The following PITHD1 variants were observed in gnomAD, a reference collection of about 807,000 sequenced individuals.
The protein encoded by PITHD1 is PITH domain containing 1, also known as PITH domain-containing protein 1.
PITHD1 carries 8 observed loss-of-function variants against 27.5 expected under a neutral mutation model. That is an observed-to-expected ratio of 0.29 (90% CI 0.17 to 0.52). PITHD1 has a LOEUF of 0.52. PITHD1 is among the 20% of genes least tolerant of loss of function. PITHD1 has a pLI of 0.96. For missense variants in PITHD1, 233 were observed against 283.9 expected (o/e 0.82, Z 1.29); for synonymous variants, 118 against 106.8 (o/e 1.10, Z -0.64).
In PITHD1 at chr1:23,778,478, C is replaced by T. The variant is rs1248937803; in HGVS notation, c.-38C>T. ...GGCGAGCCGAGCCGAGCGAGCGCGGCGGTGGGGCCGAGAGGACGCGCAGGT... is the reference window on the plus strand; with the variant it reads ...GGCGAGCCGAGCCGAGCGAGCGCGGTGGTGGGGCCGAGAGGACGCGCAGGT... On this transcript the variant is annotated 5_prime_UTR_variant, in exon 1 of 6. Coordinates refer to ENST00000246151, the MANE Select transcript of PITHD1 (RefSeq NM_020362.5). 3.8e-6 allele frequency: 5 copies of T among 1,311,636 alleles called. No homozygotes were observed. The African/African-American group carries it at 4.6e-5, about 12-fold the overall frequency. 81.2% of individuals were successfully genotyped at this position (1,311,636 alleles called of 1,614,324 possible).
At chr1:23,783,994 G>A (rs554732287) in intron 3 of PITHD1, among the ~76,000 whole-genome samples, 1 of 152,126 alleles carries the variant, frequency 6.6e-6, no homozygotes, top group South Asian at 2.1e-4. Context: ...CATACCAACC[G>A]TGTGGAATAT....
Position 23,787,509 on chromosome 1 carries a change from G to A in PITHD1, c.*133G>A. ...CTGCCAAGCTTTGTCTTTGGGGCTT[G>A]CTGCAGAAACCTGGCCTACGGAAGA... On this transcript the variant is annotated 3_prime_UTR_variant, in exon 6 of 6. Transcript: ENST00000246151. 1 of 581,012 alleles carries A rather than the reference G, an allele frequency of 1.7e-6. No individual in the cohort carries two copies. Among genetic ancestry groups the A allele is most frequent in the Non-Finnish European group, 3.1e-6 (1 of 321,190 alleles). The allele number at this position is 581,012 out of a possible 1,614,324, so 36.0% of individuals were successfully genotyped here. A position where few individuals can be genotyped will look rare whatever the true frequency, so the allele number is the denominator to read the frequency against.
Position 23,778,551 on chromosome 1 carries a change from C to T in PITHD1, c.36C>T (p.Cys12=). 1 of 1,340,126 alleles carries T rather than the reference C, an allele frequency of 7.5e-7. No homozygotes were observed. The highest frequency in any genetic ancestry group is 9.5e-7 in the Non-Finnish European group (1 of 1,050,580). 83.0% of individuals were successfully genotyped at this position (1,340,126 alleles called of 1,614,324 possible). A position where few individuals can be genotyped will look rare whatever the true frequency, so the allele number is the denominator to read the frequency against. The change falls in exon 1 of 6, where the codon TGC becomes TGT. Residue 12 remains cysteine, a synonymous_variant. Coordinates refer to ENST00000246151, the MANE Select transcript of PITHD1 (RefSeq NM_020362.5). Reference sequence around the variant, plus strand: ...GTCACAGCCACGGCGGGGGTGGCTGCCGCTGCGCCGCCGAACGGGAGGAGC... The same window carrying T: ...GTCACAGCCACGGCGGGGGTGGCTGTCGCTGCGCCGCCGAACGGGAGGAGC... ...SHGHSHGGGG[C]RCAAEREEPP...
chr1:23,788,149 G>C lies in PITHD1; in HGVS notation c.*773G>C, dbSNP rs757474277. Reference sequence around the variant, plus strand: ...AACTAGTGTTGTAAGTCCGATGCCAGAATTTGGAGATTTGAGTTCTTCTTT... The same window carrying C: ...AACTAGTGTTGTAAGTCCGATGCCACAATTTGGAGATTTGAGTTCTTCTTT... On this transcript the variant is annotated 3_prime_UTR_variant, in exon 6 of 6. Coordinates refer to ENST00000246151, the MANE Select transcript of PITHD1 (RefSeq NM_020362.5). 6.6e-5 allele frequency: 10 copies of C among 152,206 alleles called. No homozygotes were observed. The highest frequency in any genetic ancestry group is 1.5e-4 in the Non-Finnish European group (10 of 68,032). 9.4% of individuals were successfully genotyped at this position (152,206 alleles called of 1,614,324 possible).
At position 23,782,501 on chromosome 1, in the gene PITHD1, G is replaced by A. The variant is rs140973880; in HGVS notation, c.320+2560G>A. On this transcript the variant is annotated intron_variant, in intron 3 of 5. Coordinates refer to ENST00000246151, the MANE Select transcript of PITHD1 (RefSeq NM_020362.5). ...CCCAGCACTTTGGGGAGGCCGAGGC[G>A]AAAGGATCACTTGAGCCTAGGAATT... Among the ~76,000 whole-genome samples, 16 of 152,086 alleles carry A rather than the reference G, an allele frequency of 1.1e-4. No homozygotes were observed. The East Asian group carries it at 1.2e-3, about 11-fold the overall frequency.
intron 3 of PITHD1, among the ~76,000 whole-genome samples, chr1:23,785,012 A>C (rs2148401729): frequency 6.6e-6 from 1 of 152,268 alleles, no homozygotes; most frequent in East Asian, 1.9e-4. Context: ...CCCATGAGTA[A>C]GCTGTTTTAT....
chr1:23,783,355 ACG>A (rs1340757752), intron 3 of PITHD1, among the ~76,000 whole-genome samples: 2 of 149,112 alleles, frequency 1.3e-5, no homozygotes, highest in African/African-American at 4.9e-5. Context: ...ATACATATAT[ACG>A]CATATATATA....
chr1:23,786,395 A>T lies in PITHD1; in HGVS notation c.506A>T (p.Tyr169Phe). 1 of 1,600,346 alleles carries T rather than the reference A, an allele frequency of 6.2e-7. No homozygotes were observed. Among genetic ancestry groups the T allele is most frequent in the Non-Finnish European group, 8.6e-7 (1 of 1,168,270 alleles). Reference sequence around the variant, plus strand: ...GGAGCAGATACGACAAAGGTCTTTTATATTGGCCTGAGAGGAGAGTGGACT... The same window carrying T: ...GGAGCAGATACGACAAAGGTCTTTTTTATTGGCCTGAGAGGAGAGTGGACT... ...NFGADTTKVFYIGLRGEWTEL... is the reference protein window; with the variant it reads ...NFGADTTKVFFIGLRGEWTEL... The change falls in exon 5 of 6, where the codon TAT (tyrosine) becomes TTT (phenylalanine). Residue 169 changes from tyrosine to phenylalanine, a missense_variant. By Grantham distance (22) the Tyr-to-Phe change is conservative (BLOSUM62 3). Transcript: ENST00000246151.
At chr1:23,780,930 G>C (rs1039870699) in intron 3 of PITHD1, among the ~76,000 whole-genome samples, 2 of 150,630 alleles carry the variant, frequency 1.3e-5, no homozygotes, top group African/African-American at 4.9e-5. Flanking sequence ...GGCCGAGCAT[G>C]GTGGTTCACA....
chr1:23,786,451 C>T, intron 5 of PITHD1, 28 bp downstream of exon 5: 1 of 1,125,536 alleles, frequency 8.9e-7, no homozygotes, highest in Non-Finnish European at 1.3e-6. Context: ...AGGTTTTCCC[C>T]TCATGTCTAC....
intron 3 of PITHD1, among the ~76,000 whole-genome samples, chr1:23,782,239 T>C (rs1433225016): frequency 2.0e-5 from 3 of 151,728 alleles, no homozygotes; most frequent in Non-Finnish European, 2.9e-5. Flanking sequence ...GCCAACATGG[T>C]GAAACCCTGT....
Position 23,778,432 on chromosome 1 carries a change from A to G in PITHD1, c.-84A>G. 1 of 924,298 alleles carries G rather than the reference A, an allele frequency of 1.1e-6. No homozygotes were observed. The highest frequency in any genetic ancestry group is 1.4e-6 in the Non-Finnish European group (1 of 727,248). 57.3% of individuals were successfully genotyped at this position (924,298 alleles called of 1,614,324 possible). ...GCGGCGCGCTTAGTTGCCGGAGCTG[A>G]ACGGCGCGGAGCTGGTCTGAGGCGA... On this transcript the variant is annotated 5_prime_UTR_variant, in exon 1 of 6. Transcript: ENST00000246151.
In PITHD1 at chr1:23,787,637, G is replaced by A. The variant is rs180804128; in HGVS notation, c.*261G>A. 36 of 291,488 alleles carry A rather than the reference G, an allele frequency of 1.2e-4. No homozygotes were observed. The highest frequency in any genetic ancestry group is 1.5e-4 in the Non-Finnish European group (24 of 156,712). The allele number at this position is 291,488 out of a possible 1,614,324, so 18.1% of individuals were successfully genotyped here. On this transcript the variant is annotated 3_prime_UTR_variant, in exon 6 of 6. Transcript: ENST00000246151. ...GGGCTGGGTGGCATCTGGCAGTCAT[G>A]GGTAACACTTGCTTTTCCAGTTAAT... is the stretch of plus-strand genomic sequence containing the variant.
At position 23,785,816 on chromosome 1, in the gene PITHD1, C is replaced by T. The variant is rs762341790; in HGVS notation, c.425+37C>T. 6.1e-6 allele frequency: 7 copies of T among 1,152,446 alleles called. No homozygotes were observed. The East Asian group carries it at 7.1e-5, about 12-fold the overall frequency. The allele number at this position is 1,152,446 out of a possible 1,614,324, so 71.4% of individuals were successfully genotyped here. On this transcript the variant is annotated intron_variant, in intron 4 of 5. Coordinates refer to ENST00000246151, the MANE Select transcript of PITHD1 (RefSeq NM_020362.5). ...GCCTGTCTTCCATTCTCTATGGCTTCTTATAGGGCTTGCCATTTATTTTTG... is the reference window on the plus strand; with the variant it reads ...GCCTGTCTTCCATTCTCTATGGCTTTTTATAGGGCTTGCCATTTATTTTTG...
At chr1:23,779,080 C>T (rs1395364337) in intron 1 of PITHD1, among the ~76,000 whole-genome samples, 1 of 152,168 alleles carries the variant, frequency 6.6e-6, no homozygotes, top group South Asian at 2.1e-4. Context: ...CCATATAGAG[C>T]AAATGTTCTT....
chr1:23,780,033 C>A, intron 3 of PITHD1, 92 bp downstream of exon 3: 1 of 813,040 alleles, frequency 1.2e-6, no homozygotes, highest in African/African-American at 1.7e-5. Flanking sequence ...TTCTTCTTAC[C>A]GGGTTTAATA....
chr1:23,779,976 C>T (rs1557465548), intron 3 of PITHD1, 35 bp downstream of exon 3: 2 of 1,311,938 alleles, frequency 1.5e-6, no homozygotes, highest in Non-Finnish European at 2.2e-6. Context: ...CAAAGGAGCT[C>T]CTAATTCTCT....
At chr1:23,786,568 C>G in intron 5 of PITHD1, 145 bp downstream of exon 5, 1 of 317,464 alleles carries the variant, frequency 3.1e-6, no homozygotes, top group Non-Finnish European at 6.0e-6. Flanking sequence ...ATAAACTTTT[C>G]GTCTCATTTG....
At chr1:23,784,234 CTTTTTTTTTT>C (rs774484769) in intron 3 of PITHD1, among the ~76,000 whole-genome samples, 11 of 81,446 alleles carry the variant, frequency 1.4e-4, no homozygotes, top group South Asian at 4.9e-4. Flanking sequence ...CATTTGCTTT[CTTTTTTTTTT>C]TTTTTTTTTT....
Sources: allele counts gnomAD v4.1 joint callset (sites outside exome capture counted in the v4.1 genomes callset), GRCh38; gene constraint gnomAD v4.1.1; transcripts MANE v1.5; gene names NCBI Gene and HGNC (gene_info 2026-07-23, HGNC 2026-07-21).